Variants in CRB1 observed in about 807,000 individuals in gnomAD.
The protein encoded by CRB1 is crumbs cell polarity complex component 1.
Under a neutral mutation model 120.0 loss-of-function variants are expected in CRB1, and 83 were observed. The ratio of observed to expected loss-of-function variants is 0.69; its 90% CI spans 0.58 to 0.83. CRB1 has a LOEUF of 0.83. CRB1 is among the 40% of genes least tolerant of loss of function. The pLI is 0.00. For missense variants in CRB1, 1,699 were observed against 1,687.6 expected (o/e 1.01, Z -0.12); for synonymous variants, 625 against 612.5 (o/e 1.02, Z -0.30).
intron 4 of CRB1, among the ~76,000 whole-genome samples, chr1:197,354,728 G>C (rs1660342236): frequency 7.0e-6 from 1 of 142,006 alleles, no homozygotes; most frequent in African/African-American, 2.6e-5. Context: ...ACAAGCAAAA[G>C]CACAAAGCCT....
upstream of CRB1, among the ~76,000 whole-genome samples, chr1:197,264,690 C>T (rs1361187625): frequency 1.3e-5 from 2 of 149,810 alleles, no homozygotes; most frequent in African/African-American, 2.5e-5. Flanking sequence ...GGCATGATCT[C>T]GGCTCACTGC....
the CRB1 span, among the ~76,000 whole-genome samples, chr1:197,210,897 C>G: frequency 2.6e-5 from 4 of 152,052 alleles, no homozygotes; most frequent in African/African-American, 9.7e-5. Flanking sequence ...GCCTTAACAT[C>G]TTTAACAAGC....
At chr1:197,405,868 C>G (rs866794010) in intron 5 of CRB1, among the ~76,000 whole-genome samples, 11 of 151,358 alleles carry the variant, frequency 7.3e-5, no homozygotes, top group Non-Finnish European at 1.6e-4. Flanking sequence ...AAGTGAGGAG[C>G]GTCTCCGCCC....
intron 3 of CRB1, 33 bp downstream of exon 3, chr1:197,344,509 AG>A: frequency 6.3e-7 from 1 of 1,591,290 alleles, no homozygotes; most frequent in Non-Finnish European, 8.6e-7. Context: ...TGATTGGCTT[AG>A]AACTCCCTGA....
At chr1:197,217,489 A>G in the CRB1 span, among the ~76,000 whole-genome samples, 1 of 152,240 alleles carries the variant, frequency 6.6e-6, no homozygotes, top group Non-Finnish European at 1.5e-5. Context: ...TTATTCAGCC[A>G]TAAAAAGGAA....
At chr1:197,402,403 G>A (rs747639100) in intron 5 of CRB1, among the ~76,000 whole-genome samples, 14 of 152,170 alleles carry the variant, frequency 9.2e-5, no homozygotes, top group Middle Eastern at 3.4e-3. Context: ...CTTTTTTATG[G>A]CTGCATAGTA....
chr1:197,420,799 A>T (rs1461193726), intron 5 of CRB1, among the ~76,000 whole-genome samples: 1 of 152,170 alleles, frequency 6.6e-6, no homozygotes, highest in East Asian at 1.9e-4. Flanking sequence ...GCCTGCCATG[A>T]CTGCATCTTT....
intron 5 of CRB1, among the ~76,000 whole-genome samples, chr1:197,399,460 T>C (rs1026059090): frequency 1.5e-4 from 23 of 152,200 alleles, no homozygotes; most frequent in African/African-American, 5.3e-4. Flanking sequence ...TTGACTCTGC[T>C]AGCCATAGTC....
intron 3 of CRB1, 80 bp downstream of exon 3, chr1:197,344,556 C>A: frequency 3.0e-6 from 4 of 1,345,650 alleles, no homozygotes; most frequent in African/African-American, 1.4e-5. Context: ...GAATTTAGAG[C>A]TCTCACGTTC....
chr1:197,204,578 C>T, the CRB1 span, among the ~76,000 whole-genome samples: 1 of 152,130 alleles, frequency 6.6e-6, no homozygotes, highest in South Asian at 2.1e-4. Context: ...TGTATATCTT[C>T]TTTTGAGGAT....
intron 5 of CRB1, chr1:197,363,961 T>C: frequency 7.4e-7 from 1 of 1,344,508 alleles, no homozygotes; most frequent in Non-Finnish European, 1.1e-6. Context: ...TGAGAAGCCA[T>C]GCGGCCGGCG....
chr1:197,335,958 A>G (rs1356085220), intron 2 of CRB1, among the ~76,000 whole-genome samples: 1 of 152,248 alleles, frequency 6.6e-6, no homozygotes, highest in Non-Finnish European at 1.5e-5. Context: ...TAGATTATTC[A>G]GAACAAATCT....
At chr1:197,389,310 T>C (rs1232580346) in intron 5 of CRB1, among the ~76,000 whole-genome samples, 1 of 152,144 alleles carries the variant, frequency 6.6e-6, no homozygotes, top group Non-Finnish European at 1.5e-5. Context: ...ATATATGGTA[T>C]GAATACTATA....
chr1:197,380,335 T>G (rs767549251), intron 5 of CRB1, among the ~76,000 whole-genome samples: 7 of 152,226 alleles, frequency 4.6e-5, no homozygotes, highest in Admixed American at 1.3e-4. Flanking sequence ...ATATTTTGCC[T>G]GTCTCAAATG....
chr1:197,236,420 C>A, the CRB1 span, among the ~76,000 whole-genome samples: 5 of 152,062 alleles, frequency 3.3e-5, no homozygotes, highest in African/African-American at 9.7e-5. Context: ...GGGCTGGTCT[C>A]AAACTCCTGA....
chr1:197,266,113 C>T (rs1314943938), upstream of CRB1, among the ~76,000 whole-genome samples: 3 of 152,152 alleles, frequency 2.0e-5, no homozygotes, highest in Non-Finnish European at 4.4e-5. Flanking sequence ...TTCCTATATA[C>T]ATATCCTTTT....
chr1:197,236,852 T>C, the CRB1 span, among the ~76,000 whole-genome samples: 2 of 152,232 alleles, frequency 1.3e-5, no homozygotes, highest in Non-Finnish European at 2.9e-5. Context: ...ATACCTGAAA[T>C]AAATCTCATT....
chr1:197,335,872 G>T (rs2125315475), intron 2 of CRB1, among the ~76,000 whole-genome samples: 1 of 152,184 alleles, frequency 6.6e-6, no homozygotes, highest in African/African-American at 2.4e-5. Context: ...TAACAAAGAA[G>T]GATCATGGAT....
At chr1:197,348,015 T>C (rs1442467985) in intron 4 of CRB1, among the ~76,000 whole-genome samples, 1 of 152,228 alleles carries the variant, frequency 6.6e-6, no homozygotes. Context: ...TTGTGTTACA[T>C]TACAGGCCAT....
Sources: gnomAD v4.1 joint callset for allele counts (sites outside exome capture counted in the v4.1 genomes callset) on GRCh38, gnomAD v4.1.1 for gene constraint, MANE v1.5 for transcripts, NCBI Gene and HGNC (gene_info 2026-07-23, HGNC 2026-07-21) for gene names.